Variants in MRTFB observed in about 807,000 individuals in gnomAD.
MRTFB encodes myocardin related transcription factor B.
A neutral mutation model predicts 104.2 loss-of-function variants in MRTFB; 29 were observed. The observed-to-expected ratio is 0.28, with a 90% confidence interval of 0.21 to 0.38. The LOEUF is 0.38. MRTFB is among the 10% of genes least tolerant of loss of function. The probability of loss-of-function intolerance (pLI) is 1.00; values close to 1 mark genes in which losing one functional copy is unlikely to be tolerated. For missense variants in MRTFB, 1,270 were observed against 1,341.6 expected, an observed-to-expected ratio of 0.95 and a Z score of 0.83; for synonymous variants, 535 against 519.5, an observed-to-expected ratio of 1.03 and a Z score of -0.41.
At chr16:14,052,631 C>T in the MRTFB span, among the ~76,000 whole-genome samples, 3 of 151,050 alleles carry the variant, frequency 2.0e-5, no homozygotes, top group South Asian at 2.1e-4. Context: ...CCCAGCTATT[C>T]GGCAGTATGA....
the MRTFB span, among the ~76,000 whole-genome samples, chr16:13,997,597 C>T: frequency 6.6e-6 from 1 of 150,920 alleles, no homozygotes; most frequent in Non-Finnish European, 1.5e-5. Context: ...GGGTTCAAAC[C>T]AGCCTGGGTA....
chr16:14,187,754 T>G (rs1381210229), intron 3 of MRTFB, among the ~76,000 whole-genome samples: 1 of 152,254 alleles, frequency 6.6e-6, no homozygotes, highest in Non-Finnish European at 1.5e-5. Flanking sequence ...ACAGCTTGCC[T>G]TCCTGTAGCC....
intron 2 of MRTFB, among the ~76,000 whole-genome samples, chr16:14,104,583 C>T (rs979576400): frequency 1.3e-5 from 2 of 152,084 alleles, no homozygotes; most frequent in African/African-American, 4.8e-5. Context: ...GTTGGGGTTT[C>T]GCTTTATAAA....
the MRTFB span, chr16:14,019,314 C>T: frequency 2.0e-5 from 3 of 152,126 alleles, no homozygotes; most frequent in Admixed American, 6.6e-5. Flanking sequence ...TTGCCCCAGC[C>T]CTCCAAGGTA....
chr16:14,042,702 G>T, the MRTFB span, among the ~76,000 whole-genome samples: 2 of 152,098 alleles, frequency 1.3e-5, no homozygotes, highest in Non-Finnish European at 2.9e-5. Context: ...AGAAAGGAAG[G>T]GGGGAAGAAC....
At chr16:14,159,909 G>A (rs1329503736) in intron 3 of MRTFB, among the ~76,000 whole-genome samples, 7 of 119,236 alleles carry the variant, frequency 5.9e-5, no homozygotes, top group East Asian at 5.2e-4. Flanking sequence ...CAGCCTGGGC[G>A]ACAGAGCGAG....
chr16:14,246,192 T>C (rs1428993552), intron 11 of MRTFB, among the ~76,000 whole-genome samples: 1 of 152,200 alleles, frequency 6.6e-6, no homozygotes, highest in Non-Finnish European at 1.5e-5. Flanking sequence ...ACTCAATAAA[T>C]GCAGCTGTAT....
intron 6 of MRTFB, 39 bp downstream of exon 6, chr16:14,213,659 C>A: frequency 7.2e-7 from 1 of 1,393,778 alleles, no homozygotes; most frequent in Non-Finnish European, 9.8e-7. Flanking sequence ...TGTATTTTTT[C>A]AAGAAAAGAA....
chr16:14,139,740 C>T (rs2037900371), intron 2 of MRTFB, among the ~76,000 whole-genome samples: 1 of 152,158 alleles, frequency 6.6e-6, no homozygotes, highest in Admixed American at 6.5e-5. Flanking sequence ...CCCAGATGTC[C>T]ATCAGTAGGT....
At chr16:14,199,656 G>C (rs2040595795) in intron 3 of MRTFB, among the ~76,000 whole-genome samples, 1 of 152,124 alleles carries the variant, frequency 6.6e-6, no homozygotes, top group African/African-American at 2.4e-5. Context: ...GATTCTAAAT[G>C]TATCTCAAAT....
At chr16:14,140,884 G>A (rs991418464) in intron 3 of MRTFB, 124 bp downstream of exon 3, 3 of 985,112 alleles carry the variant, frequency 3.0e-6, no homozygotes, top group East Asian at 2.5e-5. Context: ...GGAGAACCCT[G>A]TAGAGGTACT....
At position 14,252,352 on chromosome 16, in the gene MRTFB, T is replaced by G. The variant is rs1172874760; in HGVS notation, c.2566-13T>G. 1.2e-6 allele frequency: 2 copies of G among 1,611,310 alleles called. No individual in the cohort carries two copies. The highest frequency in any genetic ancestry group is 1.7e-6 in the Non-Finnish European group (2 of 1,178,350). ...CCAAGAGGTAATGTGCACTCCTCCTTTATTTGACACAGCCTAGTTCACCCC... is the reference window on the plus strand; with the variant it reads ...CCAAGAGGTAATGTGCACTCCTCCTGTATTTGACACAGCCTAGTTCACCCC... On this transcript the variant is annotated splice_polypyrimidine_tract_variant and intron_variant, in intron 14 of 16. Coordinates refer to ENST00000571589, the MANE Select transcript of MRTFB (RefSeq NM_001308142.2).
At chr16:14,245,488 T>C in intron 10 of MRTFB, 40 bp from the exon 11 acceptor site, 5 of 1,553,142 alleles carry the variant, frequency 3.2e-6, no homozygotes, top group Non-Finnish European at 4.4e-6. Context: ...AATCTAGAAA[T>C]TATTTTATTA....
intron 2 of MRTFB, among the ~76,000 whole-genome samples, chr16:14,086,162 C>A (rs2034692981): frequency 6.6e-6 from 1 of 152,154 alleles, no homozygotes; most frequent in African/African-American, 2.4e-5. Context: ...AATTGATTGC[C>A]AGCCTTTGAG....
At chr16:14,102,509 T>A (rs28690719) in intron 2 of MRTFB, among the ~76,000 whole-genome samples, 9,149 of 152,246 alleles carry the variant, frequency 0.06, 858 homozygotes, top group African/African-American at 0.2. Context: ...AGAAAATAAT[T>A]AAGGGTCATA....
rs1280694484 is a variant in MRTFB, at chr16:14,246,994, G to A, written c.1734G>A (p.Glu578=). Reference sequence around the variant, plus strand: ...AGGATCGCAAGCTTCAGGAGAAAGAGAAGCAAATCGAAGAGCTGAAGAGGA... The same window carrying A: ...AGGATCGCAAGCTTCAGGAGAAAGAAAAGCAAATCGAAGAGCTGAAGAGGA... The part of the protein sequence containing the change: ...AEKDRKLQEK[E]KQIEELKRKL... The change falls in exon 12 of 17, where the codon GAG becomes GAA. Residue 578 remains glutamate (E), a synonymous_variant. Transcript: ENST00000571589. The A allele has an allele frequency of 3.1e-6, 5 of 1,614,112 alleles. No individual in the cohort carries two copies. Among genetic ancestry groups the A allele is most frequent in the Non-Finnish European group, 4.2e-6 (5 of 1,180,060 alleles).
chr16:14,042,367 G>A, the MRTFB span, among the ~76,000 whole-genome samples: 2 of 152,084 alleles, frequency 1.3e-5, no homozygotes, highest in African/African-American at 2.4e-5. Context: ...CTGGTGATCC[G>A]CCCACCTGGG....
the MRTFB span, among the ~76,000 whole-genome samples, chr16:14,061,837 G>A: frequency 6.6e-6 from 1 of 152,172 alleles, no homozygotes; most frequent in African/African-American, 2.4e-5. Flanking sequence ...GGAGGGAATA[G>A]ATTTTAAAAT....
intron 15 of MRTFB, among the ~76,000 whole-genome samples, chr16:14,253,459 C>T (rs1309158399): frequency 6.6e-6 from 1 of 152,140 alleles, no homozygotes; most frequent in Non-Finnish European, 1.5e-5. Flanking sequence ...CTTGTTGGGG[C>T]CACATGGTGG....
Sources: allele counts gnomAD v4.1 joint callset (sites outside exome capture counted in the v4.1 genomes callset), GRCh38; gene constraint gnomAD v4.1.1; transcripts MANE v1.5; gene names NCBI Gene and HGNC (gene_info 2026-07-23, HGNC 2026-07-21).